The following TIAM2 variants were observed in gnomAD, a reference collection of about 807,000 sequenced individuals.
The protein encoded by TIAM2 is TIAM Rac1 associated GEF 2.
A neutral mutation model predicts 152.9 loss-of-function variants in TIAM2; 80 were observed. The ratio of observed to expected loss-of-function variants is 0.52; its 90% confidence interval spans 0.44 to 0.63. TIAM2 has a LOEUF of 0.63. Among genes scored for constraint, TIAM2 ranks in the 30% least tolerant of loss-of-function variants. The pLI is 0.00. For synonymous variants in TIAM2, 804 were observed against 838.0 expected (o/e 0.96, Z 0.70); for missense variants, 1,965 against 2,120.1 (o/e 0.93, Z 1.44).
intron 4 of TIAM2, 99 bp downstream of exon 4, chr6:155,130,516 T>G: frequency 8.8e-7 from 1 of 1,137,420 alleles, no homozygotes; most frequent in Non-Finnish European, 1.2e-6. Flanking sequence ...GTCGGGGTGC[T>G]TAAGTGATCT....
chr6:155,100,169 T>G (rs1020906415), intron 2 of TIAM2, among the ~76,000 whole-genome samples: 3 of 152,228 alleles, frequency 2.0e-5, no homozygotes, highest in Admixed American at 2.0e-4. Context: ...ATGATCATTA[T>G]GAGACAGGCA....
intron 4 of TIAM2, among the ~76,000 whole-genome samples, chr6:155,132,208 G>A (rs1412357705): frequency 6.8e-6 from 1 of 148,022 alleles, no homozygotes; most frequent in Non-Finnish European, 1.5e-5. Context: ...AAGTCATGGA[G>A]TTGAAGGGAA....
chr6:155,179,860 T>G (rs1025466553), intron 12 of TIAM2, among the ~76,000 whole-genome samples: 3 of 152,236 alleles, frequency 2.0e-5, no homozygotes, highest in Non-Finnish European at 2.9e-5. Flanking sequence ...TTCCTCTTTC[T>G]TCCCCCATCC....
At chr6:155,033,558 A>G (rs1308618547) in intron 1 of TIAM2, among the ~76,000 whole-genome samples, 1 of 152,086 alleles carries the variant, frequency 6.6e-6, no homozygotes, top group Non-Finnish European at 1.5e-5. Context: ...TAAGAAAGGA[A>G]GCCGTGCCAA....
intron 5 of TIAM2, among the ~76,000 whole-genome samples, chr6:155,140,706 A>G (rs1258144778): frequency 6.6e-6 from 1 of 152,154 alleles, no homozygotes; most frequent in Non-Finnish European, 1.5e-5. Context: ...ATCTAGGGAT[A>G]TTTAGCATGG....
intron 1 of TIAM2, among the ~76,000 whole-genome samples, chr6:155,045,603 C>A (rs1232518613): frequency 1.3e-5 from 2 of 152,056 alleles, no homozygotes; most frequent in East Asian, 1.9e-4. Context: ...GAATTAAGAA[C>A]TCCATAGATA....
At chr6:155,068,453 T>G (rs1265427862) in intron 1 of TIAM2, among the ~76,000 whole-genome samples, 2 of 152,154 alleles carry the variant, frequency 1.3e-5, no homozygotes, top group African/African-American at 4.8e-5. Context: ...TTTTTTTTTT[T>G]TGAGATAGAG....
chr6:155,248,222 C>T lies in TIAM2; in HGVS notation c.3832+43C>T, dbSNP rs143939666. 2,177 of 1,575,824 alleles carry T rather than the reference C, an allele frequency of 1.4e-3. 21 individuals carry two copies. In the African/African-American group the frequency reaches 0.025, roughly 18 times the overall value. On this transcript the variant is annotated intron_variant, in intron 20 of 26. Coordinates refer to ENST00000682666, the MANE Select transcript of TIAM2 (RefSeq NM_012454.4). ...CCTCCGGGCGAGGGCCTGCACAGGG[C>T]GGCGAGGGGCTGCCAGCCGTGCCCT...
Position 155,256,653 on chromosome 6 carries a change from C to T in TIAM2, c.4638C>T (p.Pro1546=), listed in dbSNP as rs774390052. Residue 1546 remains proline (P), a synonymous_variant, in exon 27 of 27, where the codon CCC becomes CCT. Transcript: ENST00000682666. The part of the protein sequence containing the change: ...EGRQDSKSTS[P]GKYPHPGLAD... The stretch of plus-strand genomic sequence containing the variant: ...GGCAGGACTCCAAGAGCACTTCTCC[C>T]GGGAAATACCCACACCCCGGCTTGG... The T allele has an allele frequency of 2.9e-5, 47 of 1,614,048 alleles. 1 individual carries two copies. Among genetic ancestry groups the T allele is most frequent in the East Asian group, 1.6e-4 (7 of 44,876 alleles).
intron 5 of TIAM2, 147 bp from the exon 6 acceptor site, chr6:155,144,459 C>G (rs1779779294): frequency 8.6e-6 from 6 of 696,508 alleles, no homozygotes; most frequent in African/African-American, 1.9e-5. Context: ...AGGTGTACTT[C>G]AGATGCCACT....
chr6:155,054,026 A>G (rs1218093923), intron 1 of TIAM2, among the ~76,000 whole-genome samples: 2 of 152,086 alleles, frequency 1.3e-5, no homozygotes, highest in East Asian at 3.9e-4. Context: ...TACAAAATCT[A>G]GCCAGGCATG....
intron 19 of TIAM2, among the ~76,000 whole-genome samples, chr6:155,246,950 AC>A (rs1783371829): frequency 6.6e-6 from 1 of 152,266 alleles, no homozygotes; most frequent in Admixed American, 6.5e-5. Context: ...TCCAAGTAGC[AC>A]TGGTGTATCC....
Position 155,137,590 on chromosome 6 carries a change from A to G in TIAM2, c.1608A>G (p.Lys536=). The change falls in exon 5 of 27, where the codon AAA becomes AAG. Residue 536 remains lysine, a synonymous_variant. Transcript: ENST00000682666. The stretch of plus-strand genomic sequence containing the variant: ...AGCTGGTGGCACGAAGGAAATGGAA[A>G]CAGTACTGGGTAACGCTGAAAGGTG... The part of the protein sequence containing the change: ...KLELVARRKW[K]QYWVTLKGCT... The G allele has an allele frequency of 6.2e-7, 1 of 1,603,070 alleles. No homozygotes were observed. The highest frequency in any genetic ancestry group is 1.1e-5 in the South Asian group (1 of 90,280).
At chr6:155,029,933 C>T (rs1444744425) in intron 1 of TIAM2, among the ~76,000 whole-genome samples, 1 of 151,754 alleles carries the variant, frequency 6.6e-6, no homozygotes, top group Non-Finnish European at 1.5e-5. Flanking sequence ...GCTGGGACCA[C>T]AGGCATGCGC....
chr6:155,018,795 T>C (rs1277804453), intron 1 of TIAM2, among the ~76,000 whole-genome samples: 1 of 101,262 alleles, frequency 9.9e-6, no homozygotes, highest in East Asian at 3.0e-4. Context: ...TTTTTTTTGA[T>C]GGGGAGGCCA....
chr6:155,129,287 G>T lies in TIAM2; in HGVS notation c.64G>T (p.Gly22Cys). 6.2e-7 allele frequency: 1 copy of T among 1,614,170 alleles called. No homozygotes were observed. The highest frequency in any genetic ancestry group is 1.1e-5 in the South Asian group (1 of 91,080). ...TAAAAATCATAGCAATACTATTACT[G>T]GTGCTAAGCAAATTCCTTGCTCCCT... Reference protein sequence around the residue: ...GSKNHSNTITGAKQIPCSLKI... With the variant: ...GSKNHSNTITCAKQIPCSLKI... Residue 22 changes from glycine to cysteine, a missense_variant, in exon 4 of 27, where the codon GGT becomes TGT. By Grantham distance (159) the Gly-to-Cys change is radical. Coordinates refer to ENST00000682666, the MANE Select transcript of TIAM2 (RefSeq NM_012454.4). The surrounding 1 kb of genome is among the most constrained non-coding windows in gnomAD (Gnocchi z 4.8).
intron 1 of TIAM2, among the ~76,000 whole-genome samples, chr6:155,000,568 G>A (rs1233910891): frequency 6.9e-6 from 1 of 145,958 alleles, no homozygotes; most frequent in East Asian, 2.0e-4. Flanking sequence ...AAACTGTTAC[G>A]CTCTCAACAC....
At chr6:155,047,340 C>A (rs748044077) in intron 1 of TIAM2, among the ~76,000 whole-genome samples, 2 of 151,980 alleles carry the variant, frequency 1.3e-5, no homozygotes, top group Admixed American at 6.6e-5. Context: ...CCACCACACC[C>A]GGCTAATTTT....
At chr6:154,996,378 C>G (rs915703698) in intron 1 of TIAM2, among the ~76,000 whole-genome samples, 1 of 152,086 alleles carries the variant, frequency 6.6e-6, no homozygotes, top group Non-Finnish European at 1.5e-5. Flanking sequence ...TCCTGCTTTT[C>G]TCTGCAGAAT....
Sources: allele counts gnomAD v4.1 joint callset (sites outside exome capture counted in the v4.1 genomes callset), GRCh38; gene constraint gnomAD v4.1.1; non-coding constraint Gnocchi (gnomAD v3.1); transcripts MANE v1.5; gene names NCBI Gene and HGNC (gene_info 2026-07-23, HGNC 2026-07-21).